Variants in MAML2 observed in about 807,000 individuals in gnomAD.
The protein encoded by MAML2 is mastermind-like protein 2.
A neutral mutation model predicts 96.1 loss-of-function variants in MAML2; 22 were observed. The ratio of observed to expected loss-of-function variants is 0.23; its 90% confidence interval spans 0.16 to 0.33. MAML2 has a LOEUF of 0.33. Ranked by LOEUF, MAML2 falls within the 10% of genes least tolerant of loss-of-function variation. The pLI, the probability that MAML2 is intolerant of heterozygous loss-of-function variation, is 1.00. For missense variants in MAML2, 1,367 were observed against 1,392.4 expected (o/e 0.98, Z 0.29); for synonymous variants, 561 against 521.3 (o/e 1.08, Z -1.04).
intron 1 of MAML2, among the ~76,000 whole-genome samples, chr11:96,176,679 G>A (rs1014895851): frequency 9.2e-5 from 14 of 152,140 alleles, no homozygotes; most frequent in African/African-American, 3.4e-4. Context: ...CTGATGAGGA[G>A]GATAGGTGTT....
chr11:96,298,249 T>G (rs529024880), intron 1 of MAML2, among the ~76,000 whole-genome samples: 2 of 152,326 alleles, frequency 1.3e-5, no homozygotes, highest in African/African-American at 4.8e-5. Context: ...ATGTTCTGAT[T>G]AGGTTAAAGT....
chr11:96,020,787 C>A (rs570054441), intron 2 of MAML2, among the ~76,000 whole-genome samples: 1 of 152,222 alleles, frequency 6.6e-6, no homozygotes, highest in South Asian at 2.1e-4. Context: ...GTCTTAGTGG[C>A]AGAGTGTAAG....
At chr11:96,276,491 T>C (rs2135982936) in intron 1 of MAML2, among the ~76,000 whole-genome samples, 1 of 152,322 alleles carries the variant, frequency 6.6e-6, no homozygotes, top group Non-Finnish European at 1.5e-5. Flanking sequence ...AAAGTCCTTG[T>C]CTGTCTTTGA....
Position 96,091,935 on chromosome 11 carries a change from G to T in MAML2, c.2096C>A (p.Pro699His), listed in dbSNP as rs559616235. 6.8e-6 allele frequency: 11 copies of T among 1,613,206 alleles called. No homozygotes were observed. Among genetic ancestry groups the T allele is most frequent in the African/African-American group, 4.0e-5 (3 of 75,042 alleles). The change falls in exon 2 of 5, where the codon CCC (proline) becomes CAC (histidine). Residue 699 changes from proline to histidine, a missense_variant. Pro to His is a moderately conservative substitution (Grantham distance 77). Coordinates refer to ENST00000524717, the MANE Select transcript of MAML2 (RefSeq NM_032427.4). The part of the protein sequence containing the change: ...KLLLQQMQNQ[P>H]IAGMGYQVSQ... ...GACTTGGTATCCCATTCCTGCAATG[G>T]GCTGATTCTGCATTTGCTGAAGTAG...
At chr11:96,230,049 A>G (rs1357661281) in intron 1 of MAML2, among the ~76,000 whole-genome samples, 2 of 152,232 alleles carry the variant, frequency 1.3e-5, no homozygotes, top group Non-Finnish European at 2.9e-5. Flanking sequence ...GAAAATTGAA[A>G]CAGCTTTAAG....
At chr11:96,273,567 A>G (rs1267274894) in intron 1 of MAML2, among the ~76,000 whole-genome samples, 1 of 152,068 alleles carries the variant, frequency 6.6e-6, no homozygotes, top group African/African-American at 2.4e-5. Flanking sequence ...GTTATTCTCC[A>G]TAGTGCTAAA....
intron 1 of MAML2, among the ~76,000 whole-genome samples, chr11:96,162,857 T>C (rs1321766233): frequency 6.6e-6 from 1 of 152,236 alleles, no homozygotes. Flanking sequence ...GCCTGGAGTC[T>C]GGCATAGTTT....
intron 1 of MAML2, among the ~76,000 whole-genome samples, chr11:96,162,452 A>G (rs1199012914): frequency 6.6e-6 from 1 of 151,992 alleles, no homozygotes; most frequent in Non-Finnish European, 1.5e-5. Context: ...GGTGGCTCAC[A>G]CCTGTAATCC....
chr11:96,166,154 G>GTCTCTCTCTC (rs752973631), intron 1 of MAML2, among the ~76,000 whole-genome samples: 18 of 113,762 alleles, frequency 1.6e-4, no homozygotes, highest in Non-Finnish European at 2.4e-4. Flanking sequence ...CTCTCTGTCT[G>GTCTCTCTCTC]TCTCTCTCTC....
Position 96,001,453 on chromosome 11 carries a change from T to G in MAML2, c.2140-9730A>C, listed in dbSNP as rs187564156. On this transcript the variant is annotated intron_variant, in intron 2 of 4. Transcript: ENST00000524717. The stretch of plus-strand genomic sequence containing the variant: ...TTTTAGCTTTCTGCCTCTAGAGCAG[T>G]GGTTTCAAACATTGATTTGGATCAT... Among the ~76,000 whole-genome samples the G allele has an allele frequency of 6.2e-4, 94 of 152,330 alleles. 2 individuals are homozygous for G. Among genetic ancestry groups the G allele is most frequent in the Admixed American group, 5.4e-3 (82 of 15,298 alleles).
rs559670578 is a variant in MAML2, at chr11:96,114,691, C to T, written c.514-21174G>A. The stretch of plus-strand genomic sequence containing the variant: ...AATTGTGAATACTGAAAAGTGTTGC[C>T]GGCCTCCCTCCTTTCTGAACTCCTT... On this transcript the variant is annotated intron_variant, in intron 1 of 4. Transcript: ENST00000524717. Among the ~76,000 whole-genome samples, 13 of 152,306 alleles carry T rather than the reference C, an allele frequency of 8.5e-5. No homozygotes were observed. The South Asian group carries it at 1.2e-3, about 15-fold the overall frequency.
chr11:96,266,928 G>A (rs1323286131), intron 1 of MAML2, among the ~76,000 whole-genome samples: 2 of 152,142 alleles, frequency 1.3e-5, no homozygotes, highest in Non-Finnish European at 1.5e-5. Context: ...AAAACATAAC[G>A]TTATTGAGAA....
At chr11:95,995,340 CTTCT>C (rs1857974392) in intron 2 of MAML2, among the ~76,000 whole-genome samples, 1 of 152,102 alleles carries the variant, frequency 6.6e-6, no homozygotes, top group Admixed American at 6.6e-5. Flanking sequence ...TTGGGGTGTG[CTTCT>C]TTCTTCTCAG....
intron 1 of MAML2, among the ~76,000 whole-genome samples, chr11:96,172,558 G>A (rs1483633580): frequency 4.6e-5 from 7 of 152,360 alleles, no homozygotes; most frequent in African/African-American, 1.7e-4. Flanking sequence ...AGAATTTAGA[G>A]TAAGATTCAG....
At chr11:96,235,253 C>T (rs1862352552) in intron 1 of MAML2, among the ~76,000 whole-genome samples, 1 of 152,068 alleles carries the variant, frequency 6.6e-6, no homozygotes, top group Admixed American at 6.6e-5. Context: ...CCAAATCTGG[C>T]CTGCAGGCTG....
At chr11:96,108,220 G>T (rs1490735703) in intron 1 of MAML2, among the ~76,000 whole-genome samples, 1 of 152,224 alleles carries the variant, frequency 6.6e-6, no homozygotes, top group East Asian at 1.9e-4. Flanking sequence ...CTGGAAAATT[G>T]CTTGGTTGGT....
intron 1 of MAML2, among the ~76,000 whole-genome samples, chr11:96,236,714 A>G (rs1321384491): frequency 6.6e-6 from 1 of 152,192 alleles, no homozygotes; most frequent in East Asian, 1.9e-4. Context: ...TAACATTGTT[A>G]TATGTCATCA....
intron 1 of MAML2, among the ~76,000 whole-genome samples, chr11:96,199,704 A>G (rs867713445): frequency 2.0e-5 from 3 of 152,174 alleles, no homozygotes; most frequent in African/African-American, 7.2e-5. Context: ...ACATCCAATA[A>G]ATACCGTGAT....
intron 1 of MAML2, among the ~76,000 whole-genome samples, chr11:96,120,317 C>T (rs933701658): frequency 2.0e-5 from 3 of 152,122 alleles, no homozygotes; most frequent in African/African-American, 4.8e-5. Context: ...AGAGAGGCTG[C>T]CATGGTGGTC....
Sources: allele counts gnomAD v4.1 joint callset (sites outside exome capture counted in the v4.1 genomes callset), GRCh38; gene constraint gnomAD v4.1.1; transcripts MANE v1.5; gene names NCBI Gene and HGNC (gene_info 2026-07-23, HGNC 2026-07-21).